Variants in WNK4 observed in about 807,000 individuals in gnomAD.
WNK4 encodes WNK lysine deficient protein kinase 4.
A neutral mutation model predicts 116.2 loss-of-function variants in WNK4; 94 were observed. That is an observed-to-expected ratio of 0.81 (90% CI 0.68 to 0.96). WNK4 has a LOEUF of 0.96. Ranked by LOEUF, WNK4 falls within the 40% of genes least tolerant of loss-of-function variation. The probability of loss-of-function intolerance (pLI) is 0.00; values close to 1 mark genes in which losing one functional copy is unlikely to be tolerated. For synonymous variants in WNK4, 655 were observed against 672.7 expected (o/e 0.97, Z 0.41); for missense variants, 1,542 against 1,650.6 (o/e 0.93, Z 1.14).
chr17:42,796,248 A>C lies in WNK4; in HGVS notation c.3557A>C (p.Gln1186Pro). 1.2e-6 allele frequency: 2 copies of C among 1,611,920 alleles called. No homozygotes were observed. The highest frequency in any genetic ancestry group is 1.7e-6 in the Non-Finnish European group (2 of 1,179,358). Residue 1186 changes from glutamine (Q) to proline (P), a missense_variant, in exon 17 of 19, where the codon CAG becomes CCG. Physicochemically the swap from Gln to Pro is moderately conservative, Grantham distance 76. Transcript: ENST00000246914. ...VAPAAMLSSR[Q>P]RRLSKGSFPT... ...CCAGCTGCTATGCTGTCCAGCCGCC[A>C]GCGCCGCCTCTCCAAGGGCAGCTTC...
At chr17:42,783,244 C>T (rs867775833) in intron 2 of WNK4, among the ~76,000 whole-genome samples, 7 of 152,196 alleles carry the variant, frequency 4.6e-5, no homozygotes, top group African/African-American at 1.4e-4. Flanking sequence ...AATGCCATCT[C>T]GCTGATCTGG....
rs754495845 is a variant in WNK4 at position 42,787,779 on chromosome 17, G to C, written c.1743G>C (p.Ser581=). The C allele has an allele frequency of 6.2e-7, 1 of 1,611,852 alleles. No individual in the cohort carries two copies. The highest frequency in any genetic ancestry group is 1.1e-5 in the South Asian group (1 of 91,084). The change falls in exon 8 of 19, where the codon TCG becomes TCC. Residue 581 remains serine, a splice_region_variant and synonymous_variant. Transcript: ENST00000246914. ...FRHASYSSTT[S]DCETDGYLSS... ...TTGATCCTCTCCCTCCCCAACCAGC[G>C]GATTGCGAGACTGATGGCTACCTCA...
At chr17:42,790,028 CA>C (rs1273741283) in intron 11 of WNK4, among the ~76,000 whole-genome samples, 2 of 151,670 alleles carry the variant, frequency 1.3e-5, no homozygotes, top group Non-Finnish European at 2.9e-5. Flanking sequence ...AACAAAAAAA[CA>C]AAAAGGCACA....
chr17:42,788,069 C>T, intron 8 of WNK4, 61 bp from the exon 9 acceptor site: 1 of 1,602,088 alleles, frequency 6.2e-7, no homozygotes, highest in Non-Finnish European at 8.6e-7. Flanking sequence ...TCCTTGACAC[C>T]ATCTCCCTAG....
At position 42,795,223 on chromosome 17, in the gene WNK4, G is replaced by T. The variant is rs1260527776; in HGVS notation, c.2802G>T (p.Val934=). The T allele has an allele frequency of 6.2e-7, 1 of 1,613,722 alleles. No individual in the cohort carries two copies. Among genetic ancestry groups the T allele is most frequent in the Non-Finnish European group, 8.5e-7 (1 of 1,179,916 alleles). The change falls in exon 14 of 19, where the codon GTG becomes GTT. Residue 934 remains valine, a synonymous_variant. Transcript: ENST00000246914. ...LSLASAFSLA[V]MTVAQSLLSP... Reference sequence around the variant, plus strand: ...TGGCTAGTGCCTTCTCACTGGCTGTGATGACTGTGGCCCAGTCCCTGCTGT... The same window carrying T: ...TGGCTAGTGCCTTCTCACTGGCTGTTATGACTGTGGCCCAGTCCCTGCTGT...
At position 42,796,753 on chromosome 17, in the gene WNK4, A is replaced by G. The variant is rs775056782; in HGVS notation, c.*65A>G. 6.2e-7 allele frequency: 1 copy of G among 1,614,144 alleles called. No homozygotes were observed. Among genetic ancestry groups the G allele is most frequent in the Non-Finnish European group, 8.5e-7 (1 of 1,180,016 alleles). ...CCACCATGGAGCTTGTGTTCTCAGA[A>G]TCTGATGCTTTCTGATCAACAAAAC... On this transcript the variant is annotated 3_prime_UTR_variant, in exon 19 of 19. Coordinates refer to ENST00000246914, the MANE Select transcript of WNK4 (RefSeq NM_032387.5).
Position 42,793,940 on chromosome 17 carries a change from C to T in WNK4, c.2295+211C>T, listed in dbSNP as rs751370062. The stretch of plus-strand genomic sequence containing the variant: ...CGATCTCGGCTCACTGCAAGCTCCG[C>T]CTCCCGGGTTCACGCCATTCTCCTG... On this transcript the variant is annotated intron_variant, in intron 12 of 18. Transcript: ENST00000246914. The T allele has an allele frequency of 4.7e-5, 27 of 574,220 alleles. 1 individual carries two copies. Among genetic ancestry groups the T allele is most frequent in the South Asian group, 4.7e-4 (27 of 57,982 alleles). 35.6% of individuals were successfully genotyped at this position (574,220 alleles called of 1,614,324 possible). A position where few individuals can be genotyped will look rare whatever the true frequency, so the allele number is the denominator to read the frequency against.
At position 42,795,220 on chromosome 17, in the gene WNK4, T is replaced by C. The variant is rs753062580; in HGVS notation, c.2799T>C (p.Ala933=). ...LLSLASAFSL[A]VMTVAQSLLS... ...CTCTGGCTAGTGCCTTCTCACTGGC[T>C]GTGATGACTGTGGCCCAGTCCCTGC... The change falls in exon 14 of 19, where the codon GCT becomes GCC. Residue 933 remains alanine (A), a synonymous_variant. Transcript: ENST00000246914. 6.2e-7 allele frequency: 1 copy of C among 1,614,022 alleles called. No homozygotes were observed. The highest frequency in any genetic ancestry group is 8.5e-7 in the Non-Finnish European group (1 of 1,179,984).
At chr17:42,781,912 G>A (rs868633929) in intron 1 of WNK4, among the ~76,000 whole-genome samples, 1 of 152,330 alleles carries the variant, frequency 6.6e-6, no homozygotes, top group Middle Eastern at 3.4e-3. Context: ...CAGCTCTCGA[G>A]TGAGTCCAGT....
intron 12 of WNK4, 85 bp downstream of exon 12, chr17:42,793,814 G>A: frequency 6.5e-7 from 1 of 1,544,578 alleles, no homozygotes; most frequent in Non-Finnish European, 8.9e-7. Flanking sequence ...GGTCCCCTTG[G>A]ATTTAACTCC....
In WNK4 at chr17:42,791,620, C is replaced by G; in HGVS notation, c.2158-1972C>G. Among the ~76,000 whole-genome samples, 4 of 139,012 alleles carry G rather than the reference C, an allele frequency of 2.9e-5. No individual in the cohort carries two copies. The South Asian group carries it at 9.1e-4, about 32-fold the overall frequency. The allele number at this position is 139,012 out of a possible 152,430, so 91.2% of individuals were successfully genotyped here. ...TACCATTGCACTCCAGCCTGGGCAA[C>G]AAGAGCGAAACTCTGTCTCAAAAAA... On this transcript the variant is annotated intron_variant, in intron 11 of 18. Coordinates refer to ENST00000246914, the MANE Select transcript of WNK4 (RefSeq NM_032387.5).
In WNK4 at chr17:42,784,481, G is replaced by C; in HGVS notation, c.1072G>C (p.Val358Leu). 1.2e-6 allele frequency: 2 copies of C among 1,614,018 alleles called. No individual in the cohort carries two copies. The highest frequency in any genetic ancestry group is 1.7e-6 in the Non-Finnish European group (2 of 1,179,982). Reference sequence around the variant, plus strand: ...GGAAAAGTACGATGAGGCCGTGGACGTGTACGCGTTCGGCATGTGCATGCT... The same window carrying C: ...GGAAAAGTACGATGAGGCCGTGGACCTGTACGCGTTCGGCATGTGCATGCT... ...YEEKYDEAVD[V>L]YAFGMCMLEM... The change falls in exon 4 of 19, where the codon GTG becomes CTG. Residue 358 changes from valine (V) to leucine (L), a missense_variant. Physicochemically the swap from Val to Leu is conservative, Grantham distance 32. Around this residue, in one of 7 missense-constraint regions of WNK4, gnomAD observed 808 missense variants for 873.6 expected, o/e 0.92. Coordinates refer to ENST00000246914, the MANE Select transcript of WNK4 (RefSeq NM_032387.5). This position sits in a 1 kb window ranked among gnomAD's most constrained non-coding sequence, Gnocchi z 4.4.
chr17:42,795,579 G>A (rs774673226), intron 15 of WNK4, 46 bp from the exon 16 acceptor site: 2 of 1,614,200 alleles, frequency 1.2e-6, no homozygotes, highest in East Asian at 2.2e-5. Flanking sequence ...TGTCTGTCCT[G>A]TCACTGCTCT....
intron 11 of WNK4, among the ~76,000 whole-genome samples, chr17:42,792,421 T>G (rs1278718963): frequency 1.3e-5 from 2 of 152,204 alleles, no homozygotes; most frequent in Non-Finnish European, 2.9e-5. Context: ...ACCGTAACCA[T>G]TTTTAAGTGT....
Position 42,795,136 on chromosome 17 carries a change from C to G in WNK4, c.2715C>G (p.Phe905Leu). 6.2e-7 allele frequency: 1 copy of G among 1,614,094 alleles called. No individual in the cohort carries two copies. The highest frequency in any genetic ancestry group is 8.5e-7 in the Non-Finnish European group (1 of 1,179,996). The change falls in exon 14 of 19, where the codon TTC becomes TTG. Residue 905 changes from phenylalanine to leucine, a missense_variant. Coordinates refer to ENST00000246914, the MANE Select transcript of WNK4 (RefSeq NM_032387.5). ...TCSQVTLSSPFFPPCPSTSSF... is the reference protein window; with the variant it reads ...TCSQVTLSSPLFPPCPSTSSF... Reference sequence around the variant, plus strand: ...CTCAGGTCACTCTTAGTTCCCCTTTCTTTCCTCCGTGCCCCTCCACTTCTT... The same window carrying G: ...CTCAGGTCACTCTTAGTTCCCCTTTGTTTCCTCCGTGCCCCTCCACTTCTT...
In WNK4 at chr17:42,780,879, C is replaced by T. The variant is rs2054474486; in HGVS notation, c.181C>T (p.Arg61Cys). Residue 61 changes from arginine (R) to cysteine (C), a missense_variant, in exon 1 of 19, where the codon CGC becomes TGC. By Grantham distance (180) the Arg-to-Cys change is radical. Coordinates refer to ENST00000246914, the MANE Select transcript of WNK4 (RefSeq NM_032387.5). ...EPRPRSSRLS[R>C]RSSVDLGLLS... ...CCGGCCGCGCTCTTCTCGTCTCAGC[C>T]GCCGTAGCTCAGTCGACTTGGGGCT... The T allele has an allele frequency of 6.2e-7, 1 of 1,605,340 alleles. No homozygotes were observed. The highest frequency in any genetic ancestry group is 8.5e-7 in the Non-Finnish European group (1 of 1,179,484).
rs533138859 is a variant in WNK4 at position 42,792,946 on chromosome 17, C to G, written c.2158-646C>G. On this transcript the variant is annotated intron_variant, in intron 11 of 18. Coordinates refer to ENST00000246914, the MANE Select transcript of WNK4 (RefSeq NM_032387.5). ...GCTTTAGGTAGATGTGGGTTTAAAT[C>G]CTGTGACCTTAGGCAGACGGAACTT... Among the ~76,000 whole-genome samples the G allele has an allele frequency of 9.8e-5, 15 of 152,318 alleles. 1 individual carries two copies. The highest frequency in any genetic ancestry group is 3.1e-4 in the African/African-American group (13 of 41,562).
Position 42,789,588 on chromosome 17 carries a change from C to T in WNK4, c.2157+791C>T, listed in dbSNP as rs561775710. On this transcript the variant is annotated intron_variant, in intron 11 of 18. Coordinates refer to ENST00000246914, the MANE Select transcript of WNK4 (RefSeq NM_032387.5). The stretch of plus-strand genomic sequence containing the variant: ...CTGAGGCAGGAGAATTGCTTGAACC[C>T]GGGAGGCGGAGGTTGCAGTGAGCCG... Among the ~76,000 whole-genome samples the T allele has an allele frequency of 4.6e-4, 69 of 150,664 alleles. 1 individual carries two copies. The South Asian group carries it at 8.8e-3, about 19-fold the overall frequency.
At position 42,785,112 on chromosome 17, in the gene WNK4, A is replaced by G; in HGVS notation, c.1186A>G (p.Ser396Gly). ...CCTTCCCCAGGGCAGAAAGCCGAACAGCTTCCACAAGGTGAAGATACCCGA... is the reference window on the plus strand; with the variant it reads ...CCTTCCCCAGGGCAGAAAGCCGAACGGCTTCCACAAGGTGAAGATACCCGA... ...RKVTSGRKPN[S>G]FHKVKIPEVK... The change falls in exon 5 of 19, where the codon AGC becomes GGC. Residue 396 changes from serine to glycine, a missense_variant. By Grantham distance (56) the Ser-to-Gly change is moderately conservative. This residue lies in a region of WNK4 where 808 missense variants were observed against 873.6 expected (regional missense o/e 0.92). Transcript: ENST00000246914. The G allele has an allele frequency of 6.2e-7, 1 of 1,613,678 alleles. No homozygotes were observed. Among genetic ancestry groups the G allele is most frequent in the Non-Finnish European group, 8.5e-7 (1 of 1,179,902 alleles).
Sources: gnomAD v4.1 joint callset for allele counts (sites outside exome capture counted in the v4.1 genomes callset) on GRCh38, gnomAD v4.1.1 for gene constraint, gnomAD v4.1.1 regional missense constraint, Gnocchi (gnomAD v3.1) non-coding constraint, MANE v1.5 for transcripts, NCBI Gene and HGNC (gene_info 2026-07-23, HGNC 2026-07-21) for gene names.